GBE1: variants seen among roughly 807,000 people sequenced by gnomAD.
GBE1 encodes 1,4-alpha-glucan branching enzyme 1, also known as 1,4-alpha-glucan-branching enzyme.
In GBE1, 70 loss-of-function variants were observed where a neutral mutation model predicts 88.8. The observed-to-expected ratio is 0.79, with a 90% CI of 0.65 to 0.96. GBE1 has a LOEUF of 0.96. Among genes scored for constraint, GBE1 ranks in the 40% least tolerant of loss-of-function variants. The pLI is 0.00. For synonymous variants in GBE1, 284 were observed against 300.1 expected, an observed-to-expected ratio of 0.95 and a Z score of 0.56; for missense variants, 872 against 871.0, an observed-to-expected ratio of 1.00 and a Z score of -0.01.
intron 1 of GBE1, among the ~76,000 whole-genome samples, chr3:81,730,915 G>C (rs773900264): frequency 6.6e-6 from 1 of 152,126 alleles, no homozygotes; most frequent in Non-Finnish European, 1.5e-5. Context: ...TATATGAAGA[G>C]TACCAGTGGT....
rs1388821539 is a variant in GBE1 at position 81,688,579 on chromosome 3, T to C, written c.313+16865A>G. Among the ~76,000 whole-genome samples, 3 of 152,268 alleles carry C rather than the reference T, an allele frequency of 2.0e-5. No individual in the cohort carries two copies. In the East Asian group the frequency reaches 5.8e-4, roughly 29 times the overall value. ...ATAGTATTCTTTTAATAAGACTCCA[T>C]TATATACTAAGATTATATTAATAAG... On this transcript the variant is annotated intron_variant, in intron 2 of 15. Transcript: ENST00000429644.
intron 8 of GBE1, among the ~76,000 whole-genome samples, chr3:81,592,618 AAAC>A (rs1330008551): frequency 6.6e-6 from 1 of 152,100 alleles, no homozygotes; most frequent in African/African-American, 2.4e-5. Flanking sequence ...AAAAAATGTT[AAAC>A]AACTCAGAAT....
intron 14 of GBE1, among the ~76,000 whole-genome samples, chr3:81,511,148 C>T (rs1576126184): frequency 1.3e-5 from 2 of 151,906 alleles, no homozygotes; most frequent in East Asian, 1.9e-4. Context: ...TAGTAGACCT[C>T]GACCTTTCAC....
chr3:81,492,478 GAAAA>G (rs553465709), intron 15 of GBE1, among the ~76,000 whole-genome samples: 1 of 145,582 alleles, frequency 6.9e-6, no homozygotes, highest in African/African-American at 2.5e-5. Flanking sequence ...CAAAGAAGGA[GAAAA>G]AAAAAACAGC....
chr3:81,490,940 T>C (rs1439930132), intron 15 of GBE1, among the ~76,000 whole-genome samples: 1 of 151,960 alleles, frequency 6.6e-6, no homozygotes, highest in African/African-American at 2.4e-5. Flanking sequence ...TTTAAACCAA[T>C]GAATAAGCTT....
At chr3:81,594,473 C>A (rs994669900) in intron 7 of GBE1, among the ~76,000 whole-genome samples, 1 of 152,008 alleles carries the variant, frequency 6.6e-6, no homozygotes, top group East Asian at 1.9e-4. Context: ...TCAGAAAATG[C>A]ATTTTCATTA....
intron 3 of GBE1, among the ~76,000 whole-genome samples, chr3:81,669,079 T>C (rs918062442): frequency 2.6e-5 from 4 of 152,128 alleles, no homozygotes; most frequent in African/African-American, 9.7e-5. Context: ...AAAATCAACC[T>C]TATGAGGTGA....
intron 12 of GBE1, among the ~76,000 whole-genome samples, chr3:81,572,123 C>T (rs1428833780): frequency 6.6e-6 from 1 of 152,112 alleles, no homozygotes; most frequent in Non-Finnish European, 1.5e-5. Flanking sequence ...AGGGGCTCTT[C>T]CACCTTTGCT....
chr3:81,593,828 C>A, intron 8 of GBE1, 80 bp downstream of exon 8: 1 of 679,750 alleles, frequency 1.5e-6, no homozygotes, highest in Admixed American at 3.2e-5. Flanking sequence ...TGTAATGGAA[C>A]TAATAAAAAC....
At chr3:81,753,865 A>G (rs1706566474) in intron 1 of GBE1, among the ~76,000 whole-genome samples, 1 of 152,196 alleles carries the variant, frequency 6.6e-6, no homozygotes, top group Non-Finnish European at 1.5e-5. Context: ...TTCAGAGCCC[A>G]CAACTTGGCC....
In GBE1 at chr3:81,704,832, C is replaced by A. The variant is rs184909093; in HGVS notation, c.313+612G>T. Among the ~76,000 whole-genome samples the A allele has an allele frequency of 1.8e-4, 27 of 152,128 alleles. 1 individual carries two copies. The East Asian group carries it at 5.2e-3, about 29-fold the overall frequency. ...TTATTTACATTACAGTCCTTCCTCC[C>A]ACCAGACTCTAAGCTAGAAACCTGA... On this transcript the variant is annotated intron_variant, in intron 2 of 15. Transcript: ENST00000429644.
intron 7 of GBE1, among the ~76,000 whole-genome samples, chr3:81,631,198 T>C (rs896509639): frequency 2.0e-5 from 3 of 151,998 alleles, no homozygotes; most frequent in Admixed American, 6.6e-5. Flanking sequence ...AGGGAGACTC[T>C]CTCTTTAAAA....
intron 1 of GBE1, among the ~76,000 whole-genome samples, chr3:81,720,121 G>A (rs1439130871): frequency 2.0e-5 from 3 of 152,102 alleles, no homozygotes; most frequent in Non-Finnish European, 4.4e-5. Flanking sequence ...CACTCTGACA[G>A]TTCTTTGCCT....
At chr3:81,530,406 G>A (rs938211163) in intron 14 of GBE1, among the ~76,000 whole-genome samples, 1 of 151,824 alleles carries the variant, frequency 6.6e-6, no homozygotes, top group Non-Finnish European at 1.5e-5. Flanking sequence ...GCCAGTGTCT[G>A]GGCATTGAAT....
At chr3:81,581,534 A>C (rs1240083253) in intron 10 of GBE1, among the ~76,000 whole-genome samples, 2 of 151,950 alleles carry the variant, frequency 1.3e-5, no homozygotes, top group East Asian at 3.9e-4. Flanking sequence ...TTTAATCATT[A>C]TATTTTAGGA....
intron 14 of GBE1, among the ~76,000 whole-genome samples, chr3:81,505,684 A>G (rs1702642815): frequency 6.6e-6 from 1 of 152,128 alleles, no homozygotes; most frequent in African/African-American, 2.4e-5. Context: ...CTTGTGATAT[A>G]TTACTACATA....
intron 12 of GBE1, among the ~76,000 whole-genome samples, chr3:81,541,293 C>A (rs1007873259): frequency 2.0e-5 from 3 of 151,884 alleles, no homozygotes; most frequent in Admixed American, 6.6e-5. Flanking sequence ...TACACACACA[C>A]ACAAACACAC....
chr3:81,565,921 T>C (rs1332128433), intron 12 of GBE1, among the ~76,000 whole-genome samples: 2 of 152,200 alleles, frequency 1.3e-5, no homozygotes, highest in African/African-American at 4.8e-5. Context: ...TCTATTTATA[T>C]ACAAACAATA....
At chr3:81,740,785 C>CACACACACACACAATT (rs1483539583) in intron 1 of GBE1, among the ~76,000 whole-genome samples, 2 of 151,994 alleles carry the variant, frequency 1.3e-5, no homozygotes, top group Non-Finnish European at 2.9e-5. Context: ...CACACACACA[C>CACACACACACACAATT]ACACAATTTA....
Sources: gnomAD v4.1 joint callset for allele counts (sites outside exome capture counted in the v4.1 genomes callset) on GRCh38, gnomAD v4.1.1 for gene constraint, MANE v1.5 for transcripts, NCBI Gene and HGNC (gene_info 2026-07-23, HGNC 2026-07-21) for gene names.